The following ANKFY1 variants were observed in gnomAD, a reference collection of about 807,000 sequenced individuals.
The protein encoded by ANKFY1 is ankyrin repeat and FYVE domain containing 1.
A neutral mutation model predicts 128.3 loss-of-function variants in ANKFY1; 47 were observed. That is an observed-to-expected ratio of 0.37 (90% CI 0.29 to 0.47). ANKFY1 has a LOEUF of 0.47. ANKFY1 is among the 20% of genes least tolerant of loss of function. The pLI, the probability that ANKFY1 is intolerant of heterozygous loss-of-function variation, is 1.00. For synonymous variants in ANKFY1, 553 were observed against 601.6 expected (o/e 0.92, Z 1.18); for missense variants, 1,222 against 1,510.6 (o/e 0.81, Z 3.17).
chr17:4,247,342 A>G (rs965713381), intron 1 of ANKFY1, among the ~76,000 whole-genome samples: 17 of 152,134 alleles, frequency 1.1e-4, no homozygotes, highest in Non-Finnish European at 1.9e-4. Flanking sequence ...CCTGATTCAA[A>G]TATGTAGCAG....
intron 1 of ANKFY1, among the ~76,000 whole-genome samples, chr17:4,252,575 A>T (rs1321765835): frequency 6.6e-6 from 1 of 152,086 alleles, no homozygotes; most frequent in Admixed American, 6.6e-5. Flanking sequence ...CAAAAAAAAA[A>T]TTGGAGAACT....
intron 5 of ANKFY1, 53 bp downstream of exon 5, chr17:4,209,771 G>T: frequency 6.4e-7 from 1 of 1,551,224 alleles, no homozygotes; most frequent in Non-Finnish European, 8.8e-7. Flanking sequence ...CCCCAGCGGC[G>T]GTCTCCTGAC....
chr17:4,206,998 A>G (rs1297658576), intron 6 of ANKFY1, among the ~76,000 whole-genome samples: 2 of 152,172 alleles, frequency 1.3e-5, no homozygotes, highest in Non-Finnish European at 2.9e-5. Flanking sequence ...GACATGTCCT[A>G]ATCCCCAGAA....
chr17:4,195,551 C>T, intron 8 of ANKFY1, 80 bp from the exon 9 acceptor site: 2 of 1,061,368 alleles, frequency 1.9e-6, no homozygotes, highest in Non-Finnish European at 2.9e-6. Context: ...ACCAGAATCC[C>T]AGGCAGAATC....
At chr17:4,212,673 CT>C (rs1276461798) in intron 4 of ANKFY1, among the ~76,000 whole-genome samples, 1 of 151,904 alleles carries the variant, frequency 6.6e-6, no homozygotes, top group East Asian at 1.9e-4. Context: ...AACAGATGGG[CT>C]TTAGGTAACA....
intron 1 of ANKFY1, among the ~76,000 whole-genome samples, chr17:4,245,550 G>C (rs999619871): frequency 1.3e-5 from 2 of 151,566 alleles, no homozygotes; most frequent in Non-Finnish European, 2.9e-5. Context: ...TATGTTGCCA[G>C]GGCTACGTTG....
intron 1 of ANKFY1, among the ~76,000 whole-genome samples, chr17:4,251,205 T>G (rs182819887): frequency 2.0e-5 from 3 of 152,110 alleles, no homozygotes; most frequent in Non-Finnish European, 4.4e-5. Context: ...CAATTGGAGA[T>G]CCATATGAAA....
At chr17:4,195,972 A>AACAC (rs1166638294) in intron 8 of ANKFY1, among the ~76,000 whole-genome samples, 1 of 148,220 alleles carries the variant, frequency 6.7e-6, no homozygotes, top group Non-Finnish European at 1.5e-5. Context: ...AGCCACCACT[A>AACAC]ACACACACAC....
chr17:4,220,326 A>C (rs1165814538), intron 3 of ANKFY1, among the ~76,000 whole-genome samples: 2 of 152,172 alleles, frequency 1.3e-5, no homozygotes, highest in Non-Finnish European at 2.9e-5. Flanking sequence ...TGAACAACAA[A>C]AAAAATGTAG....
intron 3 of ANKFY1, among the ~76,000 whole-genome samples, chr17:4,218,352 C>T (rs1286638882): frequency 6.6e-6 from 1 of 152,196 alleles, no homozygotes; most frequent in African/African-American, 2.4e-5. Context: ...TTACAATATA[C>T]ATACACACTG....
Position 4,228,271 on chromosome 17 carries a change from T to C in ANKFY1, c.322+7501A>G, listed in dbSNP as rs116728590. ...ACAAAAGGGACTCTATGCTCTATGA[T>C]TGCACTTCTATAAAAGCCTAGAAAC... On this transcript the variant is annotated intron_variant, in intron 3 of 24. Coordinates refer to ENST00000341657, the MANE Select transcript of ANKFY1 (RefSeq NM_001330063.2). Among the ~76,000 whole-genome samples the C allele has an allele frequency of 5.2e-3, 799 of 152,286 alleles. 5 individuals are homozygous for C. The highest frequency in any genetic ancestry group is 0.013 in the African/African-American group (543 of 41,558).
At chr17:4,256,842 C>T (rs1968157633) in intron 1 of ANKFY1, among the ~76,000 whole-genome samples, 1 of 152,184 alleles carries the variant, frequency 6.6e-6, no homozygotes. Context: ...CTAGGTTCGT[C>T]TGCCTCATGT....
intron 10 of ANKFY1, among the ~76,000 whole-genome samples, chr17:4,192,697 C>A (rs1167392060): frequency 6.6e-6 from 1 of 152,158 alleles, no homozygotes; most frequent in Non-Finnish European, 1.5e-5. Context: ...AATTCTATAT[C>A]TCCCAATAGA....
chr17:4,197,234 G>A (rs77595771), intron 8 of ANKFY1, 139 bp downstream of exon 8: 20 of 846,014 alleles, frequency 2.4e-5, no homozygotes, highest in South Asian at 3.3e-5. Context: ...ACTACACATC[G>A]ATGTCTGTGA....
chr17:4,220,350 T>C lies in ANKFY1; in HGVS notation c.323-3232A>G, dbSNP rs180884353. ...AAAAAAATGTAGGCCATGTGATTTGTCCACAGCAACCAAAAATCCCAAAAC... is the reference window on the plus strand; with the variant it reads ...AAAAAAATGTAGGCCATGTGATTTGCCCACAGCAACCAAAAATCCCAAAAC... On this transcript the variant is annotated intron_variant, in intron 3 of 24. Coordinates refer to ENST00000341657, the MANE Select transcript of ANKFY1 (RefSeq NM_001330063.2). Among the ~76,000 whole-genome samples the C allele has an allele frequency of 1.7e-3, 263 of 152,228 alleles. 1 individual carries two copies. The highest frequency in any genetic ancestry group is 4.6e-4 in the Non-Finnish European group (31 of 68,018).
At chr17:4,206,981 A>C (rs1425557648) in intron 6 of ANKFY1, among the ~76,000 whole-genome samples, 2 of 151,970 alleles carry the variant, frequency 1.3e-5, no homozygotes, top group Non-Finnish European at 2.9e-5. Context: ...CACCCCCCCC[A>C]AAGACGGACA....
chr17:4,181,716 T>G lies in ANKFY1; in HGVS notation c.2122-344A>C, dbSNP rs1348742635. On this transcript the variant is annotated intron_variant, in intron 15 of 24. Coordinates refer to ENST00000341657, the MANE Select transcript of ANKFY1 (RefSeq NM_001330063.2). The surrounding 1 kb of genome is among the most constrained non-coding windows in gnomAD (Gnocchi z 4.9). ...GTCCTCAGTAACACACACCTGCAATTAACAGGTAATCTCAACAACTAGGTA... is the reference window on the plus strand; with the variant it reads ...GTCCTCAGTAACACACACCTGCAATGAACAGGTAATCTCAACAACTAGGTA... Among the ~76,000 whole-genome samples the G allele has an allele frequency of 1.3e-5, 2 of 152,120 alleles. No homozygotes were observed. Among genetic ancestry groups the G allele is most frequent in the Non-Finnish European group, 2.9e-5 (2 of 68,018 alleles).
rs1481206371 is a variant in ANKFY1, at chr17:4,207,991, G to C, written c.674C>G (p.Ala225Gly). ...CACGTCTTCTCTCTCCACTTTGATG[G>C]CTTTATGTAGCGGGTACTCTGTCTT... ...KSKTEYPLHK[A>G]IKVEREDVVF... Residue 225 changes from alanine (A) to glycine (G), a missense_variant, in exon 6 of 25, where the codon GCC becomes GGC. Ala to Gly is a moderately conservative substitution (Grantham distance 60). Coordinates refer to ENST00000341657, the MANE Select transcript of ANKFY1 (RefSeq NM_001330063.2). The C allele has an allele frequency of 1.1e-5, 17 of 1,610,610 alleles. No individual in the cohort carries two copies. The Admixed American group carries it at 2.9e-4, about 27-fold the overall frequency.
At position 4,222,424 on chromosome 17, in the gene ANKFY1, A is replaced by C. The variant is rs557272386; in HGVS notation, c.323-5306T>G. The C allele has an allele frequency of 1.6e-5, 13 of 801,108 alleles. No homozygotes were observed. The South Asian group carries it at 1.7e-4, about 11-fold the overall frequency. 49.6% of individuals were successfully genotyped at this position (801,108 alleles called of 1,614,324 possible). On this transcript the variant is annotated intron_variant, in intron 3 of 24. Coordinates refer to ENST00000341657, the MANE Select transcript of ANKFY1 (RefSeq NM_001330063.2). ...TTTCCTGCACTTCACCTGGCATTCGAAGTCCAAGGTTGAATGTAAGCTGGG... is the reference window on the plus strand; with the variant it reads ...TTTCCTGCACTTCACCTGGCATTCGCAGTCCAAGGTTGAATGTAAGCTGGG...
Sources: gnomAD v4.1 joint callset for allele counts (sites outside exome capture counted in the v4.1 genomes callset) on GRCh38, gnomAD v4.1.1 for gene constraint, Gnocchi (gnomAD v3.1) non-coding constraint, MANE v1.5 for transcripts, NCBI Gene and HGNC (gene_info 2026-07-23, HGNC 2026-07-21) for gene names.